Variants in SLC14A2 observed in about 807,000 individuals in gnomAD.
The protein encoded by SLC14A2 is solute carrier family 14 member 2, also known as urea transporter 2.
SLC14A2 carries 91 observed loss-of-function variants against 104.6 expected under a neutral mutation model. That is an observed-to-expected ratio of 0.87 (90% CI 0.73 to 1.04). The LOEUF is 1.04. Ranked by LOEUF, SLC14A2 falls within the 50% of genes least tolerant of loss-of-function variation. The pLI is 0.00. For synonymous variants in SLC14A2, 476 were observed against 466.4 expected (o/e 1.02, Z -0.27); for missense variants, 1,189 against 1,156.0 (o/e 1.03, Z -0.41).
chr18:45,335,899 A>C (rs189247501), intron 1 of SLC14A2, among the ~76,000 whole-genome samples: 1,552 of 152,296 alleles, frequency 0.01, 8 homozygotes, highest in Non-Finnish European at 0.015. Flanking sequence ...CCTGGCCAGA[A>C]CAGGTAGATG....
intron 10 of SLC14A2, chr18:45,644,363 C>T (rs1482979258): frequency 1.4e-5 from 7 of 502,420 alleles, no homozygotes; most frequent in African/African-American, 5.7e-5. Context: ...ATCTATTGTG[C>T]GACATTAAGG....
At chr18:45,187,824 T>C in the SLC14A2 span, among the ~76,000 whole-genome samples, 1 of 152,178 alleles carries the variant, frequency 6.6e-6, no homozygotes, top group African/African-American at 2.4e-5. Context: ...GGGAGAATAT[T>C]GTGGAAAATG....
intron 1 of SLC14A2, among the ~76,000 whole-genome samples, chr18:45,299,563 G>T (rs906209002): frequency 1.2e-4 from 18 of 152,224 alleles, no homozygotes; most frequent in African/African-American, 4.1e-4. Context: ...CCGGGTTCAA[G>T]TGATTCTCCT....
In SLC14A2 at chr18:45,473,356, A is replaced by T. The variant is rs112180802; in HGVS notation, c.-124-9877A>T. ...TTTTGCTTAGGATTGTCTTAGCTAC[A>T]TGGGCTCTTTTTTGGTTCCATGTGA... On this transcript the variant is annotated intron_variant, in intron 1 of 20. Transcript: ENST00000586448. Among the ~76,000 whole-genome samples the T allele has an allele frequency of 3.3e-5, 5 of 152,218 alleles. No homozygotes were observed. The East Asian group carries it at 9.7e-4, about 29-fold the overall frequency.
chr18:45,557,184 G>A (rs779993921), intron 2 of SLC14A2, among the ~76,000 whole-genome samples: 3 of 152,132 alleles, frequency 2.0e-5, no homozygotes, highest in East Asian at 1.9e-4. Context: ...GTTGACCCTC[G>A]ACCAGTCACA....
At chr18:45,559,260 C>A (rs1050483887) in intron 2 of SLC14A2, among the ~76,000 whole-genome samples, 10 of 152,156 alleles carry the variant, frequency 6.6e-5, no homozygotes, top group African/African-American at 2.2e-4. Context: ...GAAAGAGGCA[C>A]TGAGCATTTG....
chr18:45,221,486 C>T (rs2084061806), intron 1 of SLC14A2, among the ~76,000 whole-genome samples: 1 of 152,152 alleles, frequency 6.6e-6, no homozygotes, highest in South Asian at 2.1e-4. Context: ...TGCTCACTAC[C>T]AGATCAGTCA....
upstream of SLC14A2, among the ~76,000 whole-genome samples, chr18:45,209,180 CAAA>C (rs71372700): frequency 7.2e-5 from 6 of 83,858 alleles, no homozygotes; most frequent in African/African-American, 1.9e-4. Context: ...ATTAAAAATA[CAAA>C]AAAAAAAAAA....
intron 2 of SLC14A2, among the ~76,000 whole-genome samples, chr18:45,488,838 C>G (rs1196004294): frequency 6.6e-6 from 1 of 152,214 alleles, no homozygotes; most frequent in South Asian, 2.1e-4. Context: ...TGTTCCCACC[C>G]TTTAGTCCCC....
At chr18:45,366,637 C>CAGCT (rs1245059152) in intron 1 of SLC14A2, among the ~76,000 whole-genome samples, 1 of 152,194 alleles carries the variant, frequency 6.6e-6, no homozygotes, top group East Asian at 1.9e-4. Flanking sequence ...CCAGAAAAAC[C>CAGCT]AGCTACAGCC....
chr18:45,632,419 G>A lies in SLC14A2; in HGVS notation c.591G>A (p.Ser197=), dbSNP rs149196522. 109 of 1,613,934 alleles carry A rather than the reference G, an allele frequency of 6.8e-5. No individual in the cohort carries two copies. The highest frequency in any genetic ancestry group is 4.8e-4 in the African/African-American group (36 of 74,880). ...MLVGLLMAVF[S]EKLDYYWWLL... ...TGGGACTGCTGATGGCCGTGTTCTC[G>A]GAGAAGTTAGACTACTACTGGTGGC... The change falls in exon 5 of 20, where the codon TCG becomes TCA. Residue 197 remains serine (S), a synonymous_variant. Coordinates refer to ENST00000255226, the MANE Select transcript of SLC14A2 (RefSeq NM_007163.4).
At position 45,408,465 on chromosome 18, in the gene SLC14A2, A is replaced by G. The variant is rs558527699; in HGVS notation, c.-124-74768A>G. 9.8e-5 allele frequency among the ~76,000 whole-genome samples: 15 copies of G among 152,332 alleles called. No homozygotes were observed. The South Asian group carries it at 3.1e-3, about 32-fold the overall frequency. ...GAACTGTAACACACCTTCCCTGAATAGAGTACCATGAGATGACATGGTGTG... is the reference window on the plus strand; with the variant it reads ...GAACTGTAACACACCTTCCCTGAATGGAGTACCATGAGATGACATGGTGTG... On this transcript the variant is annotated intron_variant, in intron 1 of 20. Coordinates refer to the SLC14A2 transcript ENST00000586448.
chr18:45,337,790 A>G (rs903519216), intron 1 of SLC14A2, among the ~76,000 whole-genome samples: 1 of 152,192 alleles, frequency 6.6e-6, no homozygotes, highest in African/African-American at 2.4e-5. Context: ...AAGAAATCAA[A>G]ATATGTAACC....
At chr18:45,587,843 A>T (rs143587143) in intron 2 of SLC14A2, among the ~76,000 whole-genome samples, 133 of 152,276 alleles carry the variant, frequency 8.7e-4, no homozygotes, top group African/African-American at 3.0e-3. Context: ...CGGTGTTGAA[A>T]AAAACGCAGA....
chr18:45,447,428 C>A (rs2086789133), intron 1 of SLC14A2: 1 of 152,150 alleles, frequency 6.6e-6, no homozygotes, highest in Non-Finnish European at 1.5e-5. Flanking sequence ...GTTTGGGTTG[C>A]TGCAGAGAAA....
intron 4 of SLC14A2, among the ~76,000 whole-genome samples, chr18:45,629,740 A>T (rs1026965082): frequency 1.3e-5 from 2 of 152,196 alleles, no homozygotes; most frequent in African/African-American, 4.8e-5. Context: ...CTGCAGTTTT[A>T]CAAGGGGGGA....
chr18:45,426,664 CATATAT>C lies in SLC14A2; in HGVS notation c.-124-56565_-124-56560del, dbSNP rs201032792. On this transcript the variant is annotated intron_variant, in intron 1 of 20. Transcript: ENST00000586448. Reference sequence around the variant, plus strand: ...CTATATACATATATACATACATATACATATATATACACACATATACATATATACATA... The same window carrying C: ...CTATATACATATATACATACATATACATACACACATATACATATATACATA... Among the ~76,000 whole-genome samples, 507 of 143,280 alleles carry C rather than the reference CATATAT, an allele frequency of 3.5e-3. 7 individuals are homozygous for C. The highest frequency in any genetic ancestry group is 0.012 in the African/African-American group (471 of 38,980). The allele number at this position is 143,280 out of a possible 152,430, so 94.0% of individuals were successfully genotyped here.
At chr18:45,472,481 A>G (rs2087269402) in intron 1 of SLC14A2, among the ~76,000 whole-genome samples, 1 of 152,190 alleles carries the variant, frequency 6.6e-6, no homozygotes, top group African/African-American at 2.4e-5. Context: ...GAACTAATTT[A>G]CACTCCCACC....
At chr18:45,496,458 C>A (rs963503868) in intron 2 of SLC14A2, among the ~76,000 whole-genome samples, 1 of 152,120 alleles carries the variant, frequency 6.6e-6, no homozygotes, top group Non-Finnish European at 1.5e-5. Context: ...GTAGCTAGAA[C>A]AAAGCAGGCA....
Sources: allele counts gnomAD v4.1 joint callset (sites outside exome capture counted in the v4.1 genomes callset), GRCh38; gene constraint gnomAD v4.1.1; transcripts MANE v1.5; gene names NCBI Gene and HGNC (gene_info 2026-07-23, HGNC 2026-07-21).